Variants in DPPA2 observed in about 807,000 individuals in gnomAD.
The protein encoded by DPPA2 is developmental pluripotency-associated protein 2.
In DPPA2, 26 loss-of-function variants were observed where a neutral mutation model predicts 36.2. That is an observed-to-expected ratio of 0.72 (90% CI 0.53 to 1.00). DPPA2 has a LOEUF of 1.00. DPPA2 is among the 50% of genes least tolerant of loss of function. DPPA2 has a pLI of 0.00. For synonymous variants in DPPA2, 113 were observed against 123.2 expected (o/e 0.92, Z 0.55); for missense variants, 361 against 365.1 (o/e 0.99, Z 0.09).
chr3:109,311,791 T>TA (rs1559699861), intron 3 of DPPA2, among the ~76,000 whole-genome samples: 1 of 152,072 alleles, frequency 6.6e-6, no homozygotes, highest in African/African-American at 2.4e-5. Flanking sequence ...GATGCTTTTA[T>TA]AGGAAGCACT....
intron 7 of DPPA2, among the ~76,000 whole-genome samples, chr3:109,301,142 CCTGG>C (rs1330672055): frequency 6.6e-6 from 1 of 151,840 alleles, no homozygotes; most frequent in African/African-American, 2.4e-5. Context: ...TGCCACCACA[CCTGG>C]CTAATTTTTT....
At chr3:109,296,687 A>AT (rs1491215569) in intron 8 of DPPA2, among the ~76,000 whole-genome samples, 2 of 45,976 alleles carry the variant, frequency 4.4e-5, no homozygotes, top group Non-Finnish European at 8.3e-5. Context: ...AAAAAAAATA[A>AT]TAAAAAAAAA....
chr3:109,310,116 T>C (rs1482341761), intron 3 of DPPA2, among the ~76,000 whole-genome samples: 3 of 149,896 alleles, frequency 2.0e-5, no homozygotes, highest in Non-Finnish European at 3.0e-5. Flanking sequence ...TAATCCCAGC[T>C]ACTAGGGAGG....
At chr3:109,296,449 T>C (rs1044876286) in intron 8 of DPPA2, among the ~76,000 whole-genome samples, 1 of 152,142 alleles carries the variant, frequency 6.6e-6, no homozygotes, top group Non-Finnish European at 1.5e-5. Flanking sequence ...CTAAGGCAGA[T>C]GGATCACCTG....
Position 109,309,467 on chromosome 3 carries a change from C to G in DPPA2, c.182-137G>C. 4 of 849,694 alleles carry G rather than the reference C, an allele frequency of 4.7e-6. No individual in the cohort carries two copies. The South Asian group carries it at 6.7e-5, about 14-fold the overall frequency. The allele number at this position is 849,694 out of a possible 1,614,324, so 52.6% of individuals were successfully genotyped here. On this transcript the variant is annotated intron_variant, in intron 3 of 8. Coordinates refer to ENST00000478945, the MANE Select transcript of DPPA2 (RefSeq NM_138815.4). Reference sequence around the variant, plus strand: ...CTTTGGGAGGCCGAGGTAGGCAGATCACGAGGTCAGGAGATCGAGACCATC... The same window carrying G: ...CTTTGGGAGGCCGAGGTAGGCAGATGACGAGGTCAGGAGATCGAGACCATC...
At chr3:109,296,268 C>A (rs1431639786) in intron 8 of DPPA2, among the ~76,000 whole-genome samples, 1 of 151,934 alleles carries the variant, frequency 6.6e-6, no homozygotes, top group South Asian at 2.1e-4. Context: ...AATAGAAAAT[C>A]GTAAAAGTAA....
At chr3:109,309,678 A>T (rs1054830506) in intron 3 of DPPA2, among the ~76,000 whole-genome samples, 1 of 152,034 alleles carries the variant, frequency 6.6e-6, no homozygotes, top group African/African-American at 2.4e-5. Context: ...CGACAGAACA[A>T]GACTCCGTCT....
At chr3:109,307,973 A>C in intron 6 of DPPA2, 59 bp downstream of exon 6, 1 of 1,564,710 alleles carries the variant, frequency 6.4e-7, no homozygotes, top group Non-Finnish European at 8.7e-7. Context: ...TCAGTCTTGG[A>C]CTAATAAAAG....
At chr3:109,304,081 C>T (rs1342712410) in intron 7 of DPPA2, among the ~76,000 whole-genome samples, 1 of 151,996 alleles carries the variant, frequency 6.6e-6, no homozygotes, top group Non-Finnish European at 1.5e-5. Flanking sequence ...ACCAGCCTGA[C>T]CAACATGGTG....
At chr3:109,309,877 A>G (rs34601339) in intron 3 of DPPA2, among the ~76,000 whole-genome samples, 40,295 of 151,194 alleles carry the variant, frequency 0.27, 5,581 homozygotes, top group Middle Eastern at 0.35. Flanking sequence ...AGGTCAGGAG[A>G]TCGAGACCAG....
intron 7 of DPPA2, 44 bp from the exon 8 acceptor site, chr3:109,300,479 A>G (rs1194829345): frequency 6.3e-7 from 1 of 1,579,712 alleles, no homozygotes; most frequent in Admixed American, 1.7e-5. Flanking sequence ...TGCTACAGCA[A>G]GGTAAACCAT....
At chr3:109,314,655 AC>A in intron 1 of DPPA2, 100 bp from the exon 2 acceptor site, 1 of 1,135,694 alleles carries the variant, frequency 8.8e-7, no homozygotes, top group Non-Finnish European at 1.2e-6. Context: ...ACTTCCTGTT[AC>A]CCAGATGAGC....
At position 109,309,169 on chromosome 3, in the gene DPPA2, C is replaced by A. The variant is rs749430973; in HGVS notation, c.342+1G>T. On this transcript the variant is annotated splice_donor_variant, in intron 4 of 8. Transcript: ENST00000478945. LOFTEE classifies it high-confidence loss of function. ...GCAGATATTCACCCAAGTGTACTAA[C>A]CTTGCCATTAGTACTCAAACCGAGT... 24 of 1,614,176 alleles carry A rather than the reference C, an allele frequency of 1.5e-5. No homozygotes were observed. Among genetic ancestry groups the A allele is most frequent in the Non-Finnish European group, 1.9e-5 (23 of 1,180,028 alleles).
At chr3:109,302,668 G>A (rs141612243) in intron 7 of DPPA2, among the ~76,000 whole-genome samples, 77 of 151,236 alleles carry the variant, frequency 5.1e-4, no homozygotes, top group African/African-American at 1.8e-3. Flanking sequence ...TGGTCAGGCT[G>A]GTCTCAAACT....
intron 7 of DPPA2, among the ~76,000 whole-genome samples, chr3:109,300,811 G>A (rs1368887249): frequency 2.0e-5 from 2 of 99,580 alleles, no homozygotes; most frequent in Admixed American, 1.5e-4. Flanking sequence ...GACAGAGCGA[G>A]ACTCAGTCTC....
Position 109,304,532 on chromosome 3 carries a change from C to G in DPPA2, c.797G>C (p.Cys266Ser). The G allele has an allele frequency of 6.2e-7, 1 of 1,614,028 alleles. No homozygotes were observed. Among genetic ancestry groups the G allele is most frequent in the Non-Finnish European group, 8.5e-7 (1 of 1,179,992 alleles). ...TTCTATGCCTGGGGATGGGAAAATG[C>G]AGGCAGGTAACAAGAAGAGAGAAAT... ...RMISLFLLPACIFPSPGIEDN... is the reference protein window; with the variant it reads ...RMISLFLLPASIFPSPGIEDN... The change falls in exon 7 of 9, where the codon TGC becomes TCC. Residue 266 changes from cysteine (C) to serine (S), a missense_variant. By Grantham distance (112) the Cys-to-Ser change is moderately radical. Transcript: ENST00000478945.
rs753383748 is a variant in DPPA2 at position 109,314,460 on chromosome 3, A to T, written c.33+50T>A. The T allele has an allele frequency of 2.5e-6, 4 of 1,592,674 alleles. No individual in the cohort carries two copies. In the South Asian group the frequency reaches 3.4e-5, roughly 13 times the overall value. On this transcript the variant is annotated intron_variant, in intron 2 of 8. Coordinates refer to ENST00000478945, the MANE Select transcript of DPPA2 (RefSeq NM_138815.4). ...AGAAACATAAGGGAGACCTAGAAAG[A>T]CTCTGAAAAGCGACTGTGAGAAAAG...
intron 6 of DPPA2, 72 bp downstream of exon 6, chr3:109,307,960 G>A: frequency 2.0e-6 from 3 of 1,520,496 alleles, no homozygotes; most frequent in Non-Finnish European, 1.8e-6. Flanking sequence ...CTTTGACCAC[G>A]TTTCAGTCTT....
At position 109,304,624 on chromosome 3, in the gene DPPA2, T is replaced by G; in HGVS notation, c.705A>C (p.Thr235=). The change falls in exon 7 of 9, where the codon ACA becomes ACC. Residue 235 remains threonine, a synonymous_variant. Transcript: ENST00000478945. The part of the protein sequence containing the change: ...VVHGRLLSAD[T]KGWVRLQFHA... ...GAAACTGCAGGCGTACCCAACCCTT[T>G]GTGTCTGCCGAGAGAAGTCTGCCAT... The G allele has an allele frequency of 6.2e-7, 1 of 1,613,288 alleles. No individual in the cohort carries two copies. The highest frequency in any genetic ancestry group is 8.5e-7 in the Non-Finnish European group (1 of 1,179,756).
Sources: allele counts gnomAD v4.1 joint callset (sites outside exome capture counted in the v4.1 genomes callset), GRCh38; gene constraint gnomAD v4.1.1; transcripts MANE v1.5; gene names NCBI Gene and HGNC (gene_info 2026-07-23, HGNC 2026-07-21).